Variants in CHLSN observed in about 807,000 individuals in gnomAD.
The protein encoded by CHLSN is cholesin, also known as protein cholesin.
At chr7:1,100,185 G>A in the CHLSN span, among the ~76,000 whole-genome samples, 6 of 152,156 alleles carry the variant, frequency 3.9e-5, no homozygotes, top group South Asian at 2.1e-4. Flanking sequence ...CTGTCCAGCC[G>A]GCCACCACTG....
the CHLSN span, among the ~76,000 whole-genome samples, chr7:1,114,179 T>C: frequency 6.6e-6 from 1 of 152,178 alleles, no homozygotes; most frequent in South Asian, 2.1e-4. Flanking sequence ...CAGGCCAGAC[T>C]GTGCGGCCAC....
At chr7:1,055,595 G>A in the CHLSN span, 12 of 374,634 alleles carry the variant, frequency 3.2e-5, no homozygotes, top group Non-Finnish European at 4.8e-5. Flanking sequence ...GAGAGAGGAC[G>A]CAGGGGGTTC....
At chr7:1,132,694 TAAAAAAAAA>T in the CHLSN span, among the ~76,000 whole-genome samples, 6 of 107,010 alleles carry the variant, frequency 5.6e-5, no homozygotes, top group Non-Finnish European at 1.1e-4. Context: ...AACCTGTCTT[TAAAAAAAAA>T]AAAAAAAAAA....
chr7:1,116,315 CAGGCTT>C, the CHLSN span, among the ~76,000 whole-genome samples: 1 of 140,964 alleles, frequency 7.1e-6, no homozygotes, highest in Non-Finnish European at 1.5e-5. Context: ...GCTCTACGGA[CAGGCTT>C]CCATCACCAA....
chr7:1,117,168 G>A, the CHLSN span, among the ~76,000 whole-genome samples: 1 of 36,784 alleles, frequency 2.7e-5, no homozygotes, highest in African/African-American at 3.9e-4. Flanking sequence ...CATCACCGAC[G>A]TCCACGCAGG....
the CHLSN span, among the ~76,000 whole-genome samples, chr7:1,110,791 A>C: frequency 6.6e-6 from 1 of 152,192 alleles, no homozygotes; most frequent in Non-Finnish European, 1.5e-5. Flanking sequence ...TACAGAAAAG[A>C]TAAATTACAA....
chr7:1,101,380 C>A, the CHLSN span, among the ~76,000 whole-genome samples: 1 of 152,220 alleles, frequency 6.6e-6, no homozygotes, highest in African/African-American at 2.4e-5. Context: ...TGCTGGGAGT[C>A]CCCAGAGGGG....
the CHLSN span, chr7:1,026,587 A>G: frequency 6.6e-6 from 1 of 152,230 alleles, no homozygotes; most frequent in East Asian, 1.9e-4. Flanking sequence ...CTGCTTCTCA[A>G]CCACTCGCAG....
the CHLSN span, among the ~76,000 whole-genome samples, chr7:1,089,882 A>T: frequency 6.6e-6 from 1 of 152,002 alleles, no homozygotes; most frequent in Admixed American, 6.6e-5. Context: ...CAGAAGTTCG[A>T]TACAAGCCTG....
At chr7:1,011,188 A>C in the CHLSN span, among the ~76,000 whole-genome samples, 1 of 122,938 alleles carries the variant, frequency 8.1e-6, no homozygotes, top group African/African-American at 3.3e-5. Context: ...ACCCACACTC[A>C]CCCACCCACA....
the CHLSN span, among the ~76,000 whole-genome samples, chr7:1,117,131 A>G: frequency 0.011 from 821 of 75,130 alleles, no homozygotes; most frequent in Non-Finnish European, 0.015. Context: ...GGATGATGAC[A>G]TCACTACAGC....
chr7:1,058,480 C>T, the CHLSN span: 19 of 780,104 alleles, frequency 2.4e-5, no homozygotes, highest in African/African-American at 2.7e-4. Context: ...CGGCACTGCT[C>T]CCCGGACCAC....
At chr7:978,407 A>C in the CHLSN span, among the ~76,000 whole-genome samples, 9 of 152,204 alleles carry the variant, frequency 5.9e-5, no homozygotes, top group African/African-American at 2.2e-4. Context: ...GGTCCCAGCT[A>C]CCCCAGAGGC....
chr7:1,011,334 A>AAT, the CHLSN span, among the ~76,000 whole-genome samples: 1 of 132,140 alleles, frequency 7.6e-6, no homozygotes, highest in African/African-American at 2.9e-5. Context: ...CCACACACCC[A>AAT]CATACAACCA....
the CHLSN span, among the ~76,000 whole-genome samples, chr7:1,000,843 G>T: frequency 6.6e-6 from 1 of 152,232 alleles, no homozygotes; most frequent in Admixed American, 6.5e-5. Context: ...CCACCCCATG[G>T]GTCACACGGA....
chr7:1,044,449 C>T, the CHLSN span: 2 of 143,612 alleles, frequency 1.4e-5, no homozygotes, highest in Non-Finnish European at 1.5e-5. Flanking sequence ...GCGGTCTAGC[C>T]GCGAGGGCGG....
At chr7:988,276 G>A in the CHLSN span, 1 of 1,584,214 alleles carries the variant, frequency 6.3e-7, no homozygotes, top group Non-Finnish European at 8.6e-7. Context: ...TGCCCCCACA[G>A]GGCACGCCCG....
chr7:985,931 A>G, the CHLSN span, among the ~76,000 whole-genome samples: 1 of 152,086 alleles, frequency 6.6e-6, no homozygotes, highest in African/African-American at 2.4e-5. Context: ...GTGGGTTCAC[A>G]AGCGAGAGCA....
the CHLSN span, among the ~76,000 whole-genome samples, chr7:981,825 T>C: frequency 1.1e-4 from 16 of 152,232 alleles, no homozygotes; most frequent in East Asian, 9.6e-4. Flanking sequence ...CCCAGGAGTG[T>C]GAGACCAGCC....
Sources: gnomAD v4.1 joint callset for allele counts (sites outside exome capture counted in the v4.1 genomes callset) on GRCh38, gnomAD v4.1.1 for gene constraint, MANE v1.5 for transcripts, NCBI Gene and HGNC (gene_info 2026-07-23, HGNC 2026-07-21) for gene names.